Variants in GOLGA5 observed in about 807,000 individuals in gnomAD.
GOLGA5 encodes the protein golgin subfamily A member 5.
A neutral mutation model predicts 93.5 loss-of-function variants in GOLGA5; 50 were observed. That is an observed-to-expected ratio of 0.53 (90% CI 0.43 to 0.68). The LOEUF is 0.68. Ranked by LOEUF, GOLGA5 falls within the 30% of genes least tolerant of loss-of-function variation. The pLI is 0.00. For synonymous variants in GOLGA5, 312 were observed against 304.5 expected, an observed-to-expected ratio of 1.02 and a Z score of -0.26; for missense variants, 760 against 856.4, an observed-to-expected ratio of 0.89 and a Z score of 1.40.
At chr14:92,798,173 G>T (rs1400190591) in intron 2 of GOLGA5, among the ~76,000 whole-genome samples, 192 bp downstream of exon 2, 1 of 152,068 alleles carries the variant, frequency 6.6e-6, no homozygotes, top group Non-Finnish European at 1.5e-5. Context: ...GTTGTAGCAG[G>T]GACTTCATGT....
At chr14:92,806,251 C>T (rs1313288827) in intron 2 of GOLGA5, among the ~76,000 whole-genome samples, 1 of 152,176 alleles carries the variant, frequency 6.6e-6, no homozygotes, top group African/African-American at 2.4e-5. Context: ...CTTAGAGGTC[C>T]ATATGCCCCA....
At chr14:92,831,592 T>A (rs1885533272) in intron 9 of GOLGA5, among the ~76,000 whole-genome samples, 1 of 152,232 alleles carries the variant, frequency 6.6e-6, no homozygotes, top group Non-Finnish European at 1.5e-5. Flanking sequence ...CAAACATTTG[T>A]CACAGTTCGT....
At chr14:92,813,180 CTTCT>C (rs748642711) in intron 6 of GOLGA5, among the ~76,000 whole-genome samples, 56 of 152,290 alleles carry the variant, frequency 3.7e-4, no homozygotes, top group South Asian at 1.0e-3. Flanking sequence ...TCCTCAAACT[CTTCT>C]TTCTAAGTAC....
intron 8 of GOLGA5, among the ~76,000 whole-genome samples, chr14:92,822,065 G>A (rs982239559): frequency 6.6e-6 from 1 of 152,178 alleles, no homozygotes; most frequent in Admixed American, 6.5e-5. Flanking sequence ...GTTTAATCTT[G>A]CAATTGAAGA....
At chr14:92,799,106 T>G (rs1884804362) in intron 2 of GOLGA5, among the ~76,000 whole-genome samples, 1 of 152,038 alleles carries the variant, frequency 6.6e-6, no homozygotes, top group African/African-American at 2.4e-5. Flanking sequence ...TAGCTGGAAC[T>G]ATAGGTGCAC....
At chr14:92,805,089 A>G (rs942823392) in intron 2 of GOLGA5, among the ~76,000 whole-genome samples, 1 of 152,210 alleles carries the variant, frequency 6.6e-6, no homozygotes, top group Non-Finnish European at 1.5e-5. Flanking sequence ...GAATGGCAAT[A>G]CCTGTGTAAC....
chr14:92,822,761 A>G (rs1286671733), intron 8 of GOLGA5, among the ~76,000 whole-genome samples: 2 of 152,084 alleles, frequency 1.3e-5, no homozygotes, highest in Non-Finnish European at 2.9e-5. Context: ...AGTTCAAGCA[A>G]TTCTCCTGCC....
Position 92,833,310 on chromosome 14 carries a change from G to A in GOLGA5, c.1908G>A (p.Gly636=). 6.2e-7 allele frequency: 1 copy of A among 1,612,090 alleles called. No individual in the cohort carries two copies. The highest frequency in any genetic ancestry group is 8.5e-7 in the Non-Finnish European group (1 of 1,178,188). ...MNSASGSSSN[G]SSINMSGIDN... ...CCGCCTCTGGAAGTAGTAGTAATGG[G>A]TCTTCGATTAATATGTCTGGAATTG... is the stretch of plus-strand genomic sequence containing the variant. The change falls in exon 10 of 13, where the codon GGG becomes GGA. Residue 636 remains glycine, a synonymous_variant. Transcript: ENST00000163416.
chr14:92,834,557 G>GC (rs1248047579), intron 10 of GOLGA5, among the ~76,000 whole-genome samples: 13 of 152,232 alleles, frequency 8.5e-5, no homozygotes, highest in African/African-American at 3.1e-4. Flanking sequence ...AGGCACAAAG[G>GC]CCTTGAGGCA....
intron 11 of GOLGA5, among the ~76,000 whole-genome samples, chr14:92,836,242 T>G (rs1885639109): frequency 6.6e-6 from 1 of 151,362 alleles, no homozygotes; most frequent in African/African-American, 2.4e-5. Flanking sequence ...CTAAATAACC[T>G]ACTGTACCCT....
At chr14:92,839,339 T>G (rs1415627256) in intron 12 of GOLGA5, 27 bp from the exon 13 acceptor site, 10 of 1,547,694 alleles carry the variant, frequency 6.5e-6, no homozygotes, top group Non-Finnish European at 8.9e-6. Context: ...TATTGGCTAA[T>G]CCACAAATTG....
intron 8 of GOLGA5, among the ~76,000 whole-genome samples, chr14:92,823,477 G>A (rs182660534): frequency 2.7e-5 from 4 of 150,144 alleles, no homozygotes; most frequent in Admixed American, 2.0e-4. Context: ...GCAGTGATGC[G>A]GTCACAGCTC....
chr14:92,812,936 C>T (rs1208337713), intron 6 of GOLGA5, among the ~76,000 whole-genome samples: 2 of 152,202 alleles, frequency 1.3e-5, no homozygotes, highest in African/African-American at 4.8e-5. Flanking sequence ...TGTTTCCAAG[C>T]CTGACCTCCT....
At chr14:92,823,026 C>T (rs190848474) in intron 8 of GOLGA5, among the ~76,000 whole-genome samples, 3 of 152,168 alleles carry the variant, frequency 2.0e-5, no homozygotes, top group South Asian at 2.1e-4. Flanking sequence ...TTTCAGTCAC[C>T]GTGTTCCTCT....
intron 11 of GOLGA5, 28 bp downstream of exon 11, chr14:92,835,692 T>C: frequency 1.5e-6 from 2 of 1,327,856 alleles, no homozygotes; most frequent in South Asian, 1.2e-5. Flanking sequence ...GGATGAGTGA[T>C]GGACCATCAG....
intron 10 of GOLGA5, among the ~76,000 whole-genome samples, 159 bp downstream of exon 10, chr14:92,833,506 C>T (rs1348721827): frequency 6.6e-6 from 1 of 152,046 alleles, no homozygotes; most frequent in Non-Finnish European, 1.5e-5. Context: ...GTTAGTGAAC[C>T]GGATAATGGA....
chr14:92,819,450 C>A (rs1244900320), intron 7 of GOLGA5, among the ~76,000 whole-genome samples: 3 of 150,444 alleles, frequency 2.0e-5, no homozygotes, highest in Non-Finnish European at 4.4e-5. Flanking sequence ...GCAATAAAGC[C>A]ATATCCCATC....
intron 8 of GOLGA5, among the ~76,000 whole-genome samples, chr14:92,823,835 G>C (rs1273778566): frequency 6.6e-6 from 1 of 151,870 alleles, no homozygotes; most frequent in Admixed American, 6.6e-5. Context: ...AATTAGAGGA[G>C]AACTGACATC....
chr14:92,823,364 T>C (rs1885352841), intron 8 of GOLGA5, among the ~76,000 whole-genome samples: 1 of 152,048 alleles, frequency 6.6e-6, no homozygotes. Context: ...TTTATATGTT[T>C]TAATGTCTTT....
Sources: gnomAD v4.1 joint callset for allele counts (sites outside exome capture counted in the v4.1 genomes callset) on GRCh38, gnomAD v4.1.1 for gene constraint, MANE v1.5 for transcripts, NCBI Gene and HGNC (gene_info 2026-07-23, HGNC 2026-07-21) for gene names.